RPTOR: variants seen among roughly 807,000 people sequenced by gnomAD.
RPTOR encodes regulatory associated protein of MTOR complex 1, also known as regulatory-associated protein of mTOR.
In RPTOR, 21 loss-of-function variants were observed where a neutral mutation model predicts 169.9. The ratio of observed to expected loss-of-function variants is 0.12; its 90% CI spans 0.09 to 0.18. The LOEUF is 0.18. RPTOR is among the 10% of genes least tolerant of loss of function. The pLI is 1.00. For synonymous variants in RPTOR, 732 were observed against 753.2 expected (o/e 0.97, Z 0.46); for missense variants, 1,133 against 1,855.9 (o/e 0.61, Z 7.16).
At chr17:80,949,171 TCA>T (rs2069141418) in intron 27 of RPTOR, among the ~76,000 whole-genome samples, 2 of 152,138 alleles carry the variant, frequency 1.3e-5, no homozygotes, top group South Asian at 2.1e-4. Flanking sequence ...CAGCCAAACC[TCA>T]GAGTTGAGCT....
intron 28 of RPTOR, among the ~76,000 whole-genome samples, chr17:80,952,859 TTTTTTTTTTTTTTTTTTTTTTTTG>T (rs1394693826): frequency 2.1e-4 from 2 of 9,330 alleles, no homozygotes; most frequent in Non-Finnish European, 4.6e-4. Context: ...TTTCTTCTTT[TTTTTTTTTTTTTTTTTTTTTTTTG>T]AGGTGGAGTC....
rs1046285830 is a variant in RPTOR at position 80,743,515 on chromosome 17, A to G, written c.655-10495A>G. Reference sequence around the variant, plus strand: ...CAGCAGCGCGTTCGGAGTGCTGGGCATTGCCAGGTCTGAAAGAGGTCATCA... The same window carrying G: ...CAGCAGCGCGTTCGGAGTGCTGGGCGTTGCCAGGTCTGAAAGAGGTCATCA... On this transcript the variant is annotated intron_variant, in intron 5 of 33. Coordinates refer to ENST00000306801, the MANE Select transcript of RPTOR (RefSeq NM_020761.3). The G allele has an allele frequency of 3.2e-6, 3 of 929,380 alleles. No individual in the cohort carries two copies. In the African/African-American group the frequency reaches 5.4e-5, roughly 17 times the overall value. The allele number at this position is 929,380 out of a possible 1,614,324, so 57.6% of individuals were successfully genotyped here. A position where few individuals can be genotyped will look rare whatever the true frequency, so the allele number is the denominator to read the frequency against.
intron 20 of RPTOR, among the ~76,000 whole-genome samples, chr17:80,895,341 A>G (rs989135096): frequency 2.0e-5 from 3 of 152,022 alleles, no homozygotes; most frequent in Admixed American, 6.5e-5. Context: ...ACCTGGAATC[A>G]GGCTTCCCCA....
At chr17:80,955,098 A>T (rs2069231891) in intron 28 of RPTOR, among the ~76,000 whole-genome samples, 1 of 151,706 alleles carries the variant, frequency 6.6e-6, no homozygotes, top group Non-Finnish European at 1.5e-5. Flanking sequence ...AAGACTCATC[A>T]TTGTGGAGAT....
intron 3 of RPTOR, among the ~76,000 whole-genome samples, chr17:80,647,368 A>G (rs1054370293): frequency 5.3e-5 from 8 of 152,224 alleles, no homozygotes; most frequent in Admixed American, 5.2e-4. Context: ...AAATGGGAGT[A>G]GGAGATTATT....
chr17:80,767,013 A>G (rs1223509047), intron 6 of RPTOR, among the ~76,000 whole-genome samples: 1 of 152,168 alleles, frequency 6.6e-6, no homozygotes, highest in African/African-American at 2.4e-5. Flanking sequence ...GAAAAATAGA[A>G]GGAAGATACA....
At chr17:80,920,297 TAAG>T (rs1267108817) in intron 21 of RPTOR, among the ~76,000 whole-genome samples, 3 of 152,176 alleles carry the variant, frequency 2.0e-5, no homozygotes, top group Non-Finnish European at 4.4e-5. Context: ...GTTGAACAAA[TAAG>T]AAGTGCACAG....
chr17:80,665,325 T>C (rs1235589503), intron 3 of RPTOR, among the ~76,000 whole-genome samples: 1 of 124,784 alleles, frequency 8.0e-6, no homozygotes, highest in Non-Finnish European at 1.7e-5. Context: ...TTTTTTCTTT[T>C]CTTTTCCCTT....
chr17:80,715,087 GA>G (rs2066228565), intron 4 of RPTOR, among the ~76,000 whole-genome samples: 2 of 152,300 alleles, frequency 1.3e-5, no homozygotes, highest in South Asian at 4.1e-4. Flanking sequence ...AAAGCAGAAG[GA>G]AAGAAATAAC....
intron 7 of RPTOR, among the ~76,000 whole-genome samples, chr17:80,799,839 C>T (rs2067138635): frequency 6.6e-6 from 1 of 152,154 alleles, no homozygotes; most frequent in African/African-American, 2.4e-5. Flanking sequence ...GCTGCAGGTG[C>T]CAGGTGGTGA....
At chr17:80,555,505 G>C (rs1242393389) in intron 1 of RPTOR, among the ~76,000 whole-genome samples, 1 of 152,168 alleles carries the variant, frequency 6.6e-6, no homozygotes, top group African/African-American at 2.4e-5. Flanking sequence ...GGAGGAGGTG[G>C]CCAGAGGTTC....
intron 1 of RPTOR, among the ~76,000 whole-genome samples, chr17:80,567,129 T>C (rs1020402149): frequency 6.6e-6 from 1 of 151,770 alleles, no homozygotes; most frequent in African/African-American, 2.4e-5. Context: ...TGCCACCACA[T>C]CTGGCTAATT....
chr17:80,619,258 C>T (rs4889867), intron 1 of RPTOR, among the ~76,000 whole-genome samples: 61,546 of 151,854 alleles, frequency 0.41, 12,614 homozygotes, highest in Non-Finnish European at 0.44. Context: ...GCCACACTCT[C>T]AGTGTGGGGG....
At chr17:80,625,008 A>G (rs2065382161) in intron 1 of RPTOR, among the ~76,000 whole-genome samples, 2 of 152,296 alleles carry the variant, frequency 1.3e-5, no homozygotes, top group Admixed American at 6.5e-5. Flanking sequence ...CAAGAAATTG[A>G]TCTTTAAACT....
chr17:80,780,536 G>A (rs2066930830), intron 6 of RPTOR, among the ~76,000 whole-genome samples: 2 of 152,206 alleles, frequency 1.3e-5, no homozygotes, highest in Non-Finnish European at 2.9e-5. Flanking sequence ...GCTAGAAGGG[G>A]ATTAGTGGAG....
intron 1 of RPTOR, among the ~76,000 whole-genome samples, chr17:80,583,342 C>A (rs1568318523): frequency 6.6e-6 from 1 of 152,100 alleles, no homozygotes; most frequent in Non-Finnish European, 1.5e-5. Context: ...AGGTGGGCAC[C>A]ATCATGCCAG....
intron 5 of RPTOR, among the ~76,000 whole-genome samples, chr17:80,740,361 G>A (rs7406799): frequency 0.99 from 150,521 of 152,392 alleles, 74,349 homozygotes; most frequent in East Asian, 1. Flanking sequence ...GCAGAACACC[G>A]GTTTTGTACA....
At chr17:80,770,108 T>C (rs1374479689) in intron 6 of RPTOR, among the ~76,000 whole-genome samples, 2 of 152,198 alleles carry the variant, frequency 1.3e-5, no homozygotes, top group Non-Finnish European at 2.9e-5. Context: ...TGAGGGCTGT[T>C]CTCTGCATTC....
At chr17:80,573,243 G>A (rs1003510753) in intron 1 of RPTOR, among the ~76,000 whole-genome samples, 2 of 152,136 alleles carry the variant, frequency 1.3e-5, no homozygotes, top group African/African-American at 4.8e-5. Context: ...GGCTATTCTT[G>A]TTCTTTTGTT....
Sources: gnomAD v4.1 joint callset for allele counts (sites outside exome capture counted in the v4.1 genomes callset) on GRCh38, gnomAD v4.1.1 for gene constraint, MANE v1.5 for transcripts, NCBI Gene and HGNC (gene_info 2026-07-23, HGNC 2026-07-21) for gene names.